DOCK5: variants seen among roughly 807,000 people sequenced by gnomAD.
DOCK5 encodes the protein dedicator of cytokinesis protein 5.
In DOCK5, 142 loss-of-function variants were observed where a neutral mutation model predicts 251.8. The observed-to-expected ratio is 0.56, with a 90% CI of 0.49 to 0.65. The LOEUF is 0.65. Among genes scored for constraint, DOCK5 ranks in the 30% least tolerant of loss-of-function variants. The pLI is 0.00. For missense variants in DOCK5, 2,111 were observed against 2,312.3 expected (o/e 0.91, Z 1.79); for synonymous variants, 842 against 835.5 (o/e 1.01, Z -0.13).
chr8:25,315,742 G>T (rs568345622), intron 13 of DOCK5, among the ~76,000 whole-genome samples: 22 of 152,284 alleles, frequency 1.4e-4, no homozygotes, highest in Admixed American at 1.2e-3. Context: ...CACATTTTCA[G>T]TTTCTCCATT....
intron 18 of DOCK5, among the ~76,000 whole-genome samples, chr8:25,330,564 G>A (rs1805659401): frequency 6.6e-6 from 1 of 152,116 alleles, no homozygotes; most frequent in African/African-American, 2.4e-5. Context: ...AGAGAATGGT[G>A]GTGGTTGGAA....
At chr8:25,370,228 G>C (rs892006107) in intron 34 of DOCK5, among the ~76,000 whole-genome samples, 1 of 152,222 alleles carries the variant, frequency 6.6e-6, no homozygotes, top group Non-Finnish European at 1.5e-5. Flanking sequence ...GAGTAATGAA[G>C]AGTGGGAAAG....
chr8:25,233,934 C>A (rs1425784614), intron 1 of DOCK5, among the ~76,000 whole-genome samples: 1 of 152,144 alleles, frequency 6.6e-6, no homozygotes, highest in Non-Finnish European at 1.5e-5. Context: ...TTCCTCACTG[C>A]AATTTCAGTA....
chr8:25,387,441 C>T (rs1801184793), intron 40 of DOCK5, among the ~76,000 whole-genome samples: 1 of 152,178 alleles, frequency 6.6e-6, no homozygotes. Context: ...GTCTGCCCTG[C>T]CCTTCTCCCG....
chr8:25,355,284 C>T (rs924473573), intron 27 of DOCK5, among the ~76,000 whole-genome samples: 1 of 151,960 alleles, frequency 6.6e-6, no homozygotes, highest in Non-Finnish European at 1.5e-5. Flanking sequence ...TTAGCTTTTT[C>T]TATAATTTCT....
Position 25,408,790 on chromosome 8 carries a change from C to G in DOCK5, c.5266-12C>G. ...ACCGTGAAAATGTTTTGCTTTTTCT[C>G]TCTGGTCCTAGAGCCCAACCAGAAA... On this transcript the variant is annotated splice_polypyrimidine_tract_variant and intron_variant, in intron 49 of 51. Coordinates refer to ENST00000276440, the MANE Select transcript of DOCK5 (RefSeq NM_024940.8). The G allele has an allele frequency of 6.2e-7, 1 of 1,613,730 alleles. No individual in the cohort carries two copies. Among genetic ancestry groups the G allele is most frequent in the South Asian group, 1.1e-5 (1 of 91,018 alleles).
At chr8:25,239,319 A>ATGTG (rs746237389) in intron 1 of DOCK5, among the ~76,000 whole-genome samples, 49 of 131,056 alleles carry the variant, frequency 3.7e-4, no homozygotes, top group East Asian at 1.5e-3. Flanking sequence ...GTGCGTGTAT[A>ATGTG]TGTGTGTGTG....
At chr8:25,202,582 G>A (rs566626920) in intron 1 of DOCK5, among the ~76,000 whole-genome samples, 19 of 152,300 alleles carry the variant, frequency 1.2e-4, no homozygotes, top group African/African-American at 4.6e-4. Flanking sequence ...TTATGTTCCA[G>A]GGTCTTGCTG....
chr8:25,194,084 G>A (rs1384209863), intron 1 of DOCK5, among the ~76,000 whole-genome samples: 2 of 149,500 alleles, frequency 1.3e-5, no homozygotes, highest in Non-Finnish European at 3.0e-5. Flanking sequence ...TCAGAAGTTC[G>A]AGACCAGCCT....
At chr8:25,323,561 A>G (rs1212462517) in intron 16 of DOCK5, among the ~76,000 whole-genome samples, 1 of 152,148 alleles carries the variant, frequency 6.6e-6, no homozygotes, top group Admixed American at 6.5e-5. Context: ...TGTTTAGGAC[A>G]TGGAGTTGAC....
intron 1 of DOCK5, among the ~76,000 whole-genome samples, chr8:25,213,697 T>C (rs1755850887): frequency 1.3e-5 from 2 of 152,222 alleles, no homozygotes; most frequent in African/African-American, 4.8e-5. Flanking sequence ...GCAAATTAAA[T>C]GTGTATCCAG....
At chr8:25,301,710 A>C (rs976422236) in intron 9 of DOCK5, among the ~76,000 whole-genome samples, 1 of 152,138 alleles carries the variant, frequency 6.6e-6, no homozygotes, top group Non-Finnish European at 1.5e-5. Flanking sequence ...GTCAAAAAAA[A>C]AAAAAATACA....
At chr8:25,371,707 T>C (rs933095359) in intron 34 of DOCK5, among the ~76,000 whole-genome samples, 1 of 152,244 alleles carries the variant, frequency 6.6e-6, no homozygotes, top group Non-Finnish European at 1.5e-5. Context: ...ATACATGATA[T>C]GCTACTTTTT....
intron 8 of DOCK5, 137 bp from the exon 9 acceptor site, chr8:25,300,439 G>GT: frequency 1.4e-6 from 1 of 722,844 alleles, no homozygotes; most frequent in African/African-American, 1.8e-5. Flanking sequence ...CAACTCAGCT[G>GT]TTTTCACACC....
intron 40 of DOCK5, among the ~76,000 whole-genome samples, chr8:25,383,842 G>A (rs149391125): frequency 0.012 from 1,759 of 152,176 alleles, 16 homozygotes; most frequent in Middle Eastern, 0.051. Context: ...GTGACAGAGC[G>A]AGACTCCATC....
rs143888591 is a variant in DOCK5 at position 25,400,967 on chromosome 8, G to A, written c.4827G>A (p.Glu1609=). 3 of 1,613,894 alleles carry A rather than the reference G, an allele frequency of 1.9e-6. No homozygotes were observed. Among genetic ancestry groups the A allele is most frequent in the Non-Finnish European group, 2.5e-6 (3 of 1,179,898 alleles). ...LLTEGIRIHG[E]KLTEQLKPLH... is the part of the protein sequence containing the mutation. Reference sequence around the variant, plus strand: ...CAGAAGGGATCCGCATCCATGGGGAGAAACTCACAGAGCAGCTGAAGCCGC... The same window carrying A: ...CAGAAGGGATCCGCATCCATGGGGAAAAACTCACAGAGCAGCTGAAGCCGC... The change falls in exon 47 of 52, where the codon GAG becomes GAA. Residue 1609 remains glutamate, a synonymous_variant. Transcript: ENST00000276440.
intron 1 of DOCK5, among the ~76,000 whole-genome samples, chr8:25,226,178 A>C (rs1802525154): frequency 6.6e-6 from 1 of 152,098 alleles, no homozygotes; most frequent in African/African-American, 2.4e-5. Flanking sequence ...AAAAAAGTAA[A>C]ATAAAATTTA....
At chr8:25,387,495 C>T (rs941406100) in intron 40 of DOCK5, among the ~76,000 whole-genome samples, 2 of 152,200 alleles carry the variant, frequency 1.3e-5, no homozygotes, top group African/African-American at 4.8e-5. Flanking sequence ...TCTGTCTCTC[C>T]TTCTGTTACT....
At chr8:25,324,637 A>G (rs1805514015) in intron 17 of DOCK5, among the ~76,000 whole-genome samples, 1 of 152,214 alleles carries the variant, frequency 6.6e-6, no homozygotes, top group African/African-American at 2.4e-5. Context: ...CCAATAAAGT[A>G]TAATTGTCCC....
Sources: gnomAD v4.1 joint callset for allele counts (sites outside exome capture counted in the v4.1 genomes callset) on GRCh38, gnomAD v4.1.1 for gene constraint, MANE v1.5 for transcripts, NCBI Gene and HGNC (gene_info 2026-07-23, HGNC 2026-07-21) for gene names.